Variants in THSD7B observed in about 807,000 individuals in gnomAD.
The protein encoded by THSD7B is thrombospondin type-1 domain-containing protein 7B.
Under a neutral mutation model 213.6 loss-of-function variants are expected in THSD7B, and 138 were observed. That is an observed-to-expected ratio of 0.65 (90% CI 0.56 to 0.74). The LOEUF is 0.74. THSD7B is among the 30% of genes least tolerant of loss of function. The probability of loss-of-function intolerance (pLI) is 0.00; values close to 1 mark genes in which losing one functional copy is unlikely to be tolerated. For synonymous variants in THSD7B, 742 were observed against 687.0 expected, an observed-to-expected ratio of 1.08 and a Z score of -1.25; for missense variants, 1,931 against 1,991.5, an observed-to-expected ratio of 0.97 and a Z score of 0.58.
intron 7 of THSD7B, among the ~76,000 whole-genome samples, chr2:137,190,721 C>T (rs1198756426): frequency 6.6e-6 from 1 of 152,138 alleles, no homozygotes; most frequent in Non-Finnish European, 1.5e-5. Context: ...CACTATAATT[C>T]AGAGAGGAAA....
chr2:137,229,724 G>A (rs1389899235), intron 7 of THSD7B, among the ~76,000 whole-genome samples: 1 of 152,080 alleles, frequency 6.6e-6, no homozygotes, highest in African/African-American at 2.4e-5. Flanking sequence ...GCTCAGGCCC[G>A]TGTAAGCATG....
intron 12 of THSD7B, among the ~76,000 whole-genome samples, chr2:137,301,734 A>T (rs1279601025): frequency 6.6e-6 from 1 of 152,126 alleles, no homozygotes; most frequent in African/African-American, 2.4e-5. Flanking sequence ...GTCCCAGGTT[A>T]GTAAAGACCT....
chr2:136,768,388 T>A (rs1409263118), intron 1 of THSD7B, among the ~76,000 whole-genome samples: 2 of 151,634 alleles, frequency 1.3e-5, no homozygotes, highest in African/African-American at 2.4e-5. Flanking sequence ...AGTTGTATGA[T>A]TCCTTTAAAG....
chr2:137,144,831 A>G (rs953725193), intron 5 of THSD7B, among the ~76,000 whole-genome samples: 1 of 152,094 alleles, frequency 6.6e-6, no homozygotes. Flanking sequence ...CAAGGATTTT[A>G]TCTTTTATTA....
intron 20 of THSD7B, among the ~76,000 whole-genome samples, chr2:137,622,795 T>C (rs1431857182): frequency 6.6e-6 from 1 of 152,128 alleles, no homozygotes; most frequent in Admixed American, 6.5e-5. Context: ...GTTGAATCCC[T>C]GAATGGACCA....
At chr2:136,918,639 C>G (rs1221275119) in intron 2 of THSD7B, among the ~76,000 whole-genome samples, 1 of 152,144 alleles carries the variant, frequency 6.6e-6, no homozygotes, top group Non-Finnish European at 1.5e-5. Flanking sequence ...AGGATAACGA[C>G]AGAAGGGACC....
chr2:137,543,539 T>C (rs1226898178), intron 15 of THSD7B, among the ~76,000 whole-genome samples: 2 of 151,844 alleles, frequency 1.3e-5, no homozygotes, highest in African/African-American at 2.4e-5. Context: ...GAAGAAAACA[T>C]TGATATACAT....
At chr2:136,920,976 G>T (rs1026465304) in intron 2 of THSD7B, among the ~76,000 whole-genome samples, 1 of 152,098 alleles carries the variant, frequency 6.6e-6, no homozygotes, top group African/African-American at 2.4e-5. Flanking sequence ...GCCTGCAGGG[G>T]TTGGGGGCTT....
chr2:137,581,764 A>T (rs1221252328), intron 17 of THSD7B, among the ~76,000 whole-genome samples: 3 of 141,822 alleles, frequency 2.1e-5, no homozygotes, highest in East Asian at 2.0e-4. Flanking sequence ...CGTCTCAAAA[A>T]AAAAAATAAA....
intron 1 of THSD7B, among the ~76,000 whole-genome samples, chr2:136,806,666 C>A (rs1002626273): frequency 2.0e-5 from 3 of 152,294 alleles, no homozygotes; most frequent in African/African-American, 7.2e-5. Context: ...TCAACTATGG[C>A]ACATTTGACA....
rs537516293 is a variant in THSD7B at position 137,641,863 on chromosome 2, G to A, written c.3800-625G>A. ...TTGTGCTCGGTGAAGAAAGAAATTG[G>A]TTCTAAACCTCTGAAAAAAAATTGT... On this transcript the variant is annotated intron_variant, in intron 20 of 27. Coordinates refer to ENST00000409968, the MANE Select transcript of THSD7B (RefSeq NM_001316349.2). Among the ~76,000 whole-genome samples, 22 of 152,202 alleles carry A rather than the reference G, an allele frequency of 1.4e-4. No homozygotes were observed. The South Asian group carries it at 4.6e-3, about 32-fold the overall frequency.
chr2:137,188,118 C>T (rs977067091), intron 7 of THSD7B, among the ~76,000 whole-genome samples: 1 of 152,142 alleles, frequency 6.6e-6, no homozygotes, highest in Non-Finnish European at 1.5e-5. Flanking sequence ...TGGATTTACC[C>T]AATGACAATG....
At chr2:137,365,196 A>T (rs1052322438) in intron 12 of THSD7B, among the ~76,000 whole-genome samples, 2 of 152,242 alleles carry the variant, frequency 1.3e-5, no homozygotes, top group Non-Finnish European at 2.9e-5. Flanking sequence ...ATATGAAGAA[A>T]GCTGAAACTG....
chr2:137,272,108 G>A (rs1031841531), intron 10 of THSD7B, among the ~76,000 whole-genome samples: 2 of 151,974 alleles, frequency 1.3e-5, no homozygotes, highest in Non-Finnish European at 2.9e-5. Context: ...AATTATTATA[G>A]GTGTGTTTTG....
At chr2:137,628,998 T>G (rs980062764) in intron 20 of THSD7B, among the ~76,000 whole-genome samples, 10 of 152,240 alleles carry the variant, frequency 6.6e-5, no homozygotes, top group East Asian at 1.9e-4. Flanking sequence ...TTGAATCCAT[T>G]TTCATGTCTG....
chr2:137,558,402 G>C (rs1436890342), intron 15 of THSD7B, among the ~76,000 whole-genome samples: 1 of 152,148 alleles, frequency 6.6e-6, no homozygotes, highest in Non-Finnish European at 1.5e-5. Flanking sequence ...TGCAAGGCTG[G>C]TTCAACATAT....
intron 10 of THSD7B, among the ~76,000 whole-genome samples, chr2:137,266,144 C>G (rs552223657): frequency 6.6e-6 from 1 of 152,080 alleles, no homozygotes; most frequent in African/African-American, 2.4e-5. Context: ...TCTTTCTTTT[C>G]TTTCTTGAAC....
At chr2:136,901,053 A>G (rs1393012681) in intron 2 of THSD7B, among the ~76,000 whole-genome samples, 1 of 151,336 alleles carries the variant, frequency 6.6e-6, no homozygotes, top group Non-Finnish European at 1.5e-5. Flanking sequence ...CTTGTGTAAA[A>G]CAGAAAAGCC....
chr2:137,473,635 G>A (rs1460556706), intron 15 of THSD7B, among the ~76,000 whole-genome samples: 1 of 152,132 alleles, frequency 6.6e-6, no homozygotes, highest in East Asian at 1.9e-4. Context: ...ATAAAGATGT[G>A]TGATTGGGAG....
Sources: gnomAD v4.1 joint callset for allele counts (sites outside exome capture counted in the v4.1 genomes callset) on GRCh38, gnomAD v4.1.1 for gene constraint, MANE v1.5 for transcripts, NCBI Gene and HGNC (gene_info 2026-07-23, HGNC 2026-07-21) for gene names.